The following NEK5 variants were observed in gnomAD, a reference collection of about 807,000 sequenced individuals.
NEK5 encodes NIMA related kinase 5.
In NEK5, 88 loss-of-function variants were observed where a neutral mutation model predicts 109.2. That is an observed-to-expected ratio of 0.81 (90% confidence interval 0.68 to 0.96). NEK5 has a LOEUF of 0.96. Among genes scored for constraint, NEK5 ranks in the 40% least tolerant of loss-of-function variants. The pLI is 0.00. For synonymous variants in NEK5, 283 were observed against 299.9 expected (o/e 0.94, Z 0.58); for missense variants, 834 against 920.7 (o/e 0.91, Z 1.22).
intron 17 of NEK5, among the ~76,000 whole-genome samples, chr13:52,076,973 T>G (rs563827473): frequency 3.3e-5 from 5 of 152,320 alleles, no homozygotes; most frequent in African/African-American, 1.2e-4. Context: ...CAGAAAGTGT[T>G]AAGTGCTATC....
At chr13:52,074,648 A>G (rs1455802053) in intron 19 of NEK5, among the ~76,000 whole-genome samples, 2 of 152,218 alleles carry the variant, frequency 1.3e-5, no homozygotes, top group Non-Finnish European at 2.9e-5. Flanking sequence ...AATTAAACTA[A>G]GGAGCTTCTG....
intron 3 of NEK5, among the ~76,000 whole-genome samples, chr13:52,126,914 A>G (rs973828206): frequency 2.6e-5 from 4 of 152,230 alleles, no homozygotes; most frequent in Non-Finnish European, 5.9e-5. Context: ...GACCTGAATA[A>G]GGAGAGAGGA....
intron 20 of NEK5, among the ~76,000 whole-genome samples, chr13:52,067,651 C>T (rs73500135): frequency 0.099 from 15,046 of 151,234 alleles, 735 homozygotes; most frequent in Non-Finnish European, 0.12. Flanking sequence ...TGGGCCAAGG[C>T]TCCAACTGGT....
intron 15 of NEK5, among the ~76,000 whole-genome samples, chr13:52,086,772 G>A (rs1357437359): frequency 6.6e-6 from 1 of 151,996 alleles, no homozygotes; most frequent in Non-Finnish European, 1.5e-5. Context: ...ATACCAGTGG[G>A]CCCTTAGTTC....
chr13:52,091,825 A>G (rs914639775), intron 13 of NEK5, among the ~76,000 whole-genome samples: 2 of 152,200 alleles, frequency 1.3e-5, no homozygotes, highest in Non-Finnish European at 2.9e-5. Context: ...TTTTTTGAAA[A>G]TCTACCATAA....
At chr13:52,040,732 A>T (rs189264982) in intron 23 of NEK5, among the ~76,000 whole-genome samples, 5 of 152,280 alleles carry the variant, frequency 3.3e-5, no homozygotes, top group Admixed American at 1.3e-4. Flanking sequence ...TCAGTGAAAA[A>T]ATCCAACATT....
intron 22 of NEK5, among the ~76,000 whole-genome samples, chr13:52,056,922 G>A (rs1954561356): frequency 6.6e-6 from 1 of 152,096 alleles, no homozygotes; most frequent in South Asian, 2.1e-4. Context: ...TCAAAAGCTA[G>A]CAGAACGCAA....
intron 8 of NEK5, among the ~76,000 whole-genome samples, chr13:52,107,508 C>T (rs9535863): frequency 0.42 from 62,975 of 151,690 alleles, 14,999 homozygotes; most frequent in Non-Finnish European, 0.54. Flanking sequence ...AGGAGAATCG[C>T]TTGAACCTGG....
intron 8 of NEK5, among the ~76,000 whole-genome samples, chr13:52,106,084 C>T (rs940911964): frequency 6.6e-6 from 1 of 151,998 alleles, no homozygotes; most frequent in Non-Finnish European, 1.5e-5. Context: ...TGTGGCATGC[C>T]CTGCTCTGAA....
intron 12 of NEK5, among the ~76,000 whole-genome samples, chr13:52,095,798 T>C (rs565686537): frequency 7.4e-4 from 113 of 152,262 alleles, no homozygotes; most frequent in African/African-American, 2.6e-3. Context: ...GACGGTAGGA[T>C]CACTTGAGCC....
At position 52,058,533 on chromosome 13, in the gene NEK5, CA is replaced by C. The variant is rs1232877953; in HGVS notation, c.2110+3285del. The stretch of plus-strand genomic sequence containing the variant: ...CAAAAGAACAAAGCTGGAGGCATCA[CA>C]CTACCTGACTTCAAACTATACTACA... On this transcript the variant is annotated intron_variant, in intron 22 of 23. Coordinates refer to ENST00000684899, the MANE Select transcript of NEK5 (RefSeq NM_001365552.1). 1.8e-3 allele frequency among the ~76,000 whole-genome samples: 274 copies of C among 152,094 alleles called. 2 individuals carry two copies. The highest frequency in any genetic ancestry group is 6.2e-3 in the African/African-American group (257 of 41,500).
Position 52,066,038 on chromosome 13 carries a change from C to T in NEK5, c.1850-429G>A, listed in dbSNP as rs546114266. On this transcript the variant is annotated intron_variant, in intron 20 of 23. Coordinates refer to ENST00000684899, the MANE Select transcript of NEK5 (RefSeq NM_001365552.1). Reference sequence around the variant, plus strand: ...GAAAAAAAAAAATCACCCATAATCTCACTGTCCAGAGACTATAATAATTTC... The same window carrying T: ...GAAAAAAAAAAATCACCCATAATCTTACTGTCCAGAGACTATAATAATTTC... Among the ~76,000 whole-genome samples the T allele has an allele frequency of 3.3e-5, 5 of 152,018 alleles. No homozygotes were observed. The South Asian group carries it at 8.3e-4, about 25-fold the overall frequency.
chr13:52,067,709 G>C (rs1954713280), intron 20 of NEK5, among the ~76,000 whole-genome samples: 2 of 121,118 alleles, frequency 1.7e-5, no homozygotes, highest in South Asian at 5.1e-4. Context: ...ATGGAGTCTT[G>C]CTTGCTCTGT....
At chr13:52,080,026 A>AGAAGTGAGGAGCCCCTCCGCCTGGCAG (rs1954956937) in intron 17 of NEK5, among the ~76,000 whole-genome samples, 1 of 58,366 alleles carries the variant, frequency 1.7e-5, no homozygotes, top group Non-Finnish European at 5.5e-5. Context: ...CCGCCTGGCA[A>AGAAGTGAGGAGCCCCTCCGCCTGGCAG]CCGCCCCGTC....
At chr13:52,110,218 C>T (rs1955730713) in intron 7 of NEK5, 122 bp downstream of exon 7, 2 of 659,714 alleles carry the variant, frequency 3.0e-6, no homozygotes, top group Non-Finnish European at 5.3e-6. Context: ...AATGCATTTA[C>T]ATAAAGCTAC....
chr13:52,058,768 G>A lies in NEK5; in HGVS notation c.2110+3051C>T, dbSNP rs1315723054. Among the ~76,000 whole-genome samples, 30 of 152,268 alleles carry A rather than the reference G, an allele frequency of 2.0e-4. No homozygotes were observed. In the South Asian group the frequency reaches 6.0e-3, roughly 31 times the overall value. On this transcript the variant is annotated intron_variant, in intron 22 of 23. Coordinates refer to ENST00000684899, the MANE Select transcript of NEK5 (RefSeq NM_001365552.1). ...TAGCCACATGTAGAAAGCTGAAACT[G>A]GATCCCTTCCTTATACCTTATACAA...
intron 4 of NEK5, among the ~76,000 whole-genome samples, chr13:52,118,147 A>G (rs1361609413): frequency 6.6e-6 from 1 of 152,226 alleles, no homozygotes; most frequent in Non-Finnish European, 1.5e-5. Context: ...AGTGCTCTGC[A>G]CAGTTTACAT....
rs1382547533 is a variant in NEK5, at chr13:52,073,168, A to G, written c.1723-1098T>C. On this transcript the variant is annotated intron_variant, in intron 19 of 23. Transcript: ENST00000684899. ...CTTCTATTTTAATTTGGCTATGATA[A>G]AAATTAATATTATGAGTAAAATAGC... Among the ~76,000 whole-genome samples, 3 of 152,316 alleles carry G rather than the reference A, an allele frequency of 2.0e-5. No individual in the cohort carries two copies. In the East Asian group the frequency reaches 5.8e-4, roughly 29 times the overall value.
chr13:52,051,027 G>A (rs1168746805), intron 22 of NEK5, among the ~76,000 whole-genome samples: 4 of 147,262 alleles, frequency 2.7e-5, no homozygotes, highest in Non-Finnish European at 6.0e-5. Context: ...CCTAGTGTTC[G>A]TTTTTTAATA....
Sources: allele counts gnomAD v4.1 joint callset (sites outside exome capture counted in the v4.1 genomes callset), GRCh38; gene constraint gnomAD v4.1.1; transcripts MANE v1.5; gene names NCBI Gene and HGNC (gene_info 2026-07-23, HGNC 2026-07-21).